ROBO2: variants seen among roughly 807,000 people sequenced by gnomAD.
The protein encoded by ROBO2 is roundabout guidance receptor 2, also known as roundabout homolog 2.
Under a neutral mutation model 160.8 loss-of-function variants are expected in ROBO2, and 53 were observed. The observed-to-expected ratio is 0.33, with a 90% CI of 0.26 to 0.41. ROBO2 has a LOEUF of 0.41. ROBO2 is among the 10% of genes least tolerant of loss of function. ROBO2 has a pLI of 1.00. For synonymous variants in ROBO2, 664 were observed against 611.7 expected (o/e 1.09, Z -1.26); for missense variants, 1,577 against 1,722.4 (o/e 0.92, Z 1.49).
chr3:77,582,648 T>C (rs1227434738), intron 16 of ROBO2, among the ~76,000 whole-genome samples: 1 of 152,158 alleles, frequency 6.6e-6, no homozygotes, highest in East Asian at 1.9e-4. Flanking sequence ...ATAAGTATCC[T>C]AGAGCAGTAT....
intron 2 of ROBO2, among the ~76,000 whole-genome samples, chr3:76,303,471 C>T (rs1388042891): frequency 5.3e-5 from 8 of 152,030 alleles, no homozygotes; most frequent in African/African-American, 1.9e-4. Flanking sequence ...TTCAGAGGTA[C>T]ACAGAACAGA....
chr3:76,213,844 T>C (rs1703312309), intron 2 of ROBO2, among the ~76,000 whole-genome samples: 1 of 152,164 alleles, frequency 6.6e-6, no homozygotes, highest in Admixed American at 6.5e-5. Flanking sequence ...AATAGCAATG[T>C]TGGACCCTAT....
At chr3:77,141,181 G>A (rs945129922) in intron 2 of ROBO2, among the ~76,000 whole-genome samples, 19 of 152,256 alleles carry the variant, frequency 1.2e-4, no homozygotes, top group African/African-American at 3.6e-4. Flanking sequence ...GAGAATTAAA[G>A]TCTGCATAGA....
intron 2 of ROBO2, among the ~76,000 whole-genome samples, chr3:76,807,759 C>T (rs2064846681): frequency 6.6e-6 from 1 of 151,976 alleles, no homozygotes; most frequent in Non-Finnish European, 1.5e-5. Flanking sequence ...GAAAGGGCAT[C>T]AGTTATATGT....
At chr3:76,637,989 GC>G (rs1471397869) in intron 2 of ROBO2, among the ~76,000 whole-genome samples, 1 of 152,088 alleles carries the variant, frequency 6.6e-6, no homozygotes, top group Non-Finnish European at 1.5e-5. Flanking sequence ...GACTTAATTT[GC>G]ATTTTCTTAT....
At chr3:76,086,290 C>T (rs2069009194) in intron 2 of ROBO2, among the ~76,000 whole-genome samples, 1 of 152,178 alleles carries the variant, frequency 6.6e-6, no homozygotes, top group South Asian at 2.1e-4. Context: ...CAGGAGAATT[C>T]GCCCACTACC....
chr3:77,289,568 G>T (rs1490606268), intron 2 of ROBO2, among the ~76,000 whole-genome samples: 1 of 151,980 alleles, frequency 6.6e-6, no homozygotes, highest in African/African-American at 2.4e-5. Context: ...CAGTTAAACG[G>T]GTAAGCTGAG....
At chr3:76,434,499 T>A (rs971955231) in intron 2 of ROBO2, 4 of 1,558,096 alleles carry the variant, frequency 2.6e-6, no homozygotes, top group Non-Finnish European at 3.5e-6. Flanking sequence ...ACAAACCGAG[T>A]CCTCAAAGAG....
At chr3:77,582,579 G>T (rs975330038) in intron 16 of ROBO2, among the ~76,000 whole-genome samples, 1 of 152,038 alleles carries the variant, frequency 6.6e-6, no homozygotes, top group Non-Finnish European at 1.5e-5. Flanking sequence ...TTTTTTGGCT[G>T]CTCTTGGATT....
At chr3:76,469,326 A>T (rs570679375) in intron 2 of ROBO2, among the ~76,000 whole-genome samples, 1 of 152,156 alleles carries the variant, frequency 6.6e-6, no homozygotes, top group African/African-American at 2.4e-5. Context: ...ATTCTAATAG[A>T]CCACTTGCCG....
At position 76,369,106 on chromosome 3, in the gene ROBO2, T is replaced by C. The variant is rs181493404; in HGVS notation, c.109+431504T>C. Reference sequence around the variant, plus strand: ...ATGTAAGCAGTGTCTCCACGCCTGCTACTCTATCCATGGCAATGTGGCTTC... The same window carrying C: ...ATGTAAGCAGTGTCTCCACGCCTGCCACTCTATCCATGGCAATGTGGCTTC... On this transcript the variant is annotated intron_variant, in intron 2 of 26. Transcript: ENST00000487694. Among the ~76,000 whole-genome samples, 32 of 152,142 alleles carry C rather than the reference T, an allele frequency of 2.1e-4. No individual in the cohort carries two copies. The South Asian group carries it at 6.4e-3, about 31-fold the overall frequency.
chr3:77,039,942 C>A (rs1371342991), exon 1 of ROBO2: 3 of 234,180 alleles, frequency 1.3e-5, no homozygotes, highest in East Asian at 1.8e-4. Flanking sequence ...CTCCGCCGCG[C>A]CCGGGCTGGG....
intron 2 of ROBO2, among the ~76,000 whole-genome samples, chr3:76,993,996 C>T (rs928001700): frequency 2.6e-5 from 4 of 151,824 alleles, no homozygotes; most frequent in African/African-American, 9.7e-5. Flanking sequence ...TTAATGCCAC[C>T]CTGGTAAAAA....
At chr3:77,189,145 A>G in intron 2 of ROBO2, among the ~76,000 whole-genome samples, 1 of 151,858 alleles carries the variant, frequency 6.6e-6, no homozygotes, top group Non-Finnish European at 1.5e-5. Flanking sequence ...TATCACAGTG[A>G]TTTGGCCCCC....
chr3:77,478,326 A>G (rs1215171466), intron 3 of ROBO2, among the ~76,000 whole-genome samples: 1 of 152,216 alleles, frequency 6.6e-6, no homozygotes, highest in Non-Finnish European at 1.5e-5. Context: ...AATATTTATA[A>G]CAGTAAAATT....
chr3:77,347,491 A>T (rs573320185), intron 2 of ROBO2, among the ~76,000 whole-genome samples: 234 of 152,106 alleles, frequency 1.5e-3, no homozygotes, highest in African/African-American at 5.5e-3. Flanking sequence ...AAAAAAATAG[A>T]AGAATCTATA....
chr3:76,147,518 C>T (rs1017687477), intron 2 of ROBO2, among the ~76,000 whole-genome samples: 3 of 151,982 alleles, frequency 2.0e-5, no homozygotes, highest in African/African-American at 7.2e-5. Flanking sequence ...TCAGAGATTA[C>T]TGTTTTACAC....
Position 77,499,491 on chromosome 3 carries a change from G to T in ROBO2, c.806+6109G>T, listed in dbSNP as rs373399476. ...TCAGTTTTACAAATCCACCTGATTG[G>T]TGGCATTTATTAATAATGCAGTTAA... On this transcript the variant is annotated intron_variant, in intron 5 of 25. Coordinates refer to ENST00000461745, the Ensembl canonical transcript of ROBO2. Among the ~76,000 whole-genome samples, 4 of 151,898 alleles carry T rather than the reference G, an allele frequency of 2.6e-5. No homozygotes were observed. In the South Asian group the frequency reaches 6.2e-4, roughly 24 times the overall value.
intron 2 of ROBO2, among the ~76,000 whole-genome samples, chr3:77,362,796 G>A (rs915604590): frequency 3.3e-5 from 5 of 152,098 alleles, no homozygotes; most frequent in Admixed American, 2.6e-4. Context: ...ATGGTGGAAG[G>A]CAAATAAGGA....
Sources: gnomAD v4.1 joint callset for allele counts (sites outside exome capture counted in the v4.1 genomes callset) on GRCh38, gnomAD v4.1.1 for gene constraint, MANE v1.5 for transcripts, NCBI Gene and HGNC (gene_info 2026-07-23, HGNC 2026-07-21) for gene names.